PCNX4: variants seen among roughly 807,000 people sequenced by gnomAD.
The protein encoded by PCNX4 is pecanex-like protein 4.
In PCNX4, 103 loss-of-function variants were observed where a neutral mutation model predicts 107.2. The ratio of observed to expected loss-of-function variants is 0.96; its 90% CI spans 0.82 to 1.13. The LOEUF (loss-of-function observed/expected upper bound fraction) is 1.13, where lower values mean the gene tolerates loss of function less well. PCNX4 is among the 50% of genes most tolerant of loss of function. PCNX4 has a pLI of 0.00. For missense variants in PCNX4, 1,528 were observed against 1,379.4 expected, an observed-to-expected ratio of 1.11 and a Z score of -1.71; for synonymous variants, 541 against 481.7, an observed-to-expected ratio of 1.12 and a Z score of -1.61.
intron 10 of PCNX4, 52 bp from the exon 11 acceptor site, chr14:60,133,918 T>C: frequency 6.6e-7 from 1 of 1,519,460 alleles, no homozygotes; most frequent in Non-Finnish European, 8.9e-7. Context: ...TATAAAGACC[T>C]AAATGGAATC....
Position 60,144,996 on chromosome 14 carries a change from A to G in PCNX4, c.*10775A>G. 1 of 1,601,910 alleles carries G rather than the reference A, an allele frequency of 6.2e-7. No individual in the cohort carries two copies. Among genetic ancestry groups the G allele is most frequent in the East Asian group, 2.2e-5 (1 of 44,560 alleles). ...CATGTTTTGTCTTAAAGATTTTAAA[A>G]TAAGAAGAGTCTGCATCCTGTAAAA... On this transcript the variant is annotated 3_prime_UTR_variant, in exon 11 of 11. Coordinates refer to ENST00000406854, the MANE Select transcript of PCNX4 (RefSeq NM_001330177.2).
intron 2 of PCNX4, chr14:60,109,449 G>A (rs1895693441): frequency 6.0e-6 from 1 of 167,206 alleles, no homozygotes. Flanking sequence ...TCTTTGTTTT[G>A]TTTTGTTTGA....
chr14:60,128,456 C>A (rs1896095390), intron 10 of PCNX4, among the ~76,000 whole-genome samples: 1 of 152,080 alleles, frequency 6.6e-6, no homozygotes, highest in East Asian at 1.9e-4. Flanking sequence ...CTAAAGAAAA[C>A]CCCAAAACAG....
intron 2 of PCNX4, among the ~76,000 whole-genome samples, chr14:60,113,605 G>T (rs1187084507): frequency 3.9e-5 from 6 of 152,048 alleles, no homozygotes; most frequent in Admixed American, 3.9e-4. Flanking sequence ...CTGACCTCAG[G>T]TGATCTGCCC....
chr14:60,097,283 C>T (rs1298818037), intron 1 of PCNX4, among the ~76,000 whole-genome samples: 1 of 152,114 alleles, frequency 6.6e-6, no homozygotes, highest in Non-Finnish European at 1.5e-5. Flanking sequence ...ATATCTGTTA[C>T]AGGAATCAAC....
Position 60,115,706 on chromosome 14 carries a change from TG to T in PCNX4, c.1358-12del, listed in dbSNP as rs776864108. 6.3e-7 allele frequency: 1 copy of T among 1,598,962 alleles called. No homozygotes were observed. Among genetic ancestry groups the T allele is most frequent in the South Asian group, 1.1e-5 (1 of 89,738 alleles). Reference sequence around the variant, plus strand: ...TGCCTTAATTAAATTTCTCTCTTTTTGTTTTGTTTTAGTATCACCTTTTGCC... The same window carrying T: ...TGCCTTAATTAAATTTCTCTCTTTTTTTTTGTTTTAGTATCACCTTTTGCC... On this transcript the variant is annotated splice_polypyrimidine_tract_variant and intron_variant, in intron 4 of 10. Transcript: ENST00000406854.
chr14:60,119,354 G>T (rs1895912003), intron 7 of PCNX4, among the ~76,000 whole-genome samples: 1 of 152,116 alleles, frequency 6.6e-6, no homozygotes, highest in Admixed American at 6.5e-5. Context: ...TTTAGATAAG[G>T]TATAATTTGA....
chr14:60,118,334 T>C lies in PCNX4; in HGVS notation c.1584T>C (p.Gly528=), dbSNP rs761724318. The change falls in exon 7 of 11, where the codon GGT becomes GGC. Residue 528 remains glycine (G), a synonymous_variant. Coordinates refer to ENST00000406854, the MANE Select transcript of PCNX4 (RefSeq NM_001330177.2). ...LDTGLRLLLV[G]IIRDRLIQFI... is the part of the protein sequence containing the mutation. ...TAATTTTTACATTTCTACAGGTTGG[T>C]ATCATACGTGATCGTTTGATTCAGT... is the stretch of plus-strand genomic sequence containing the variant. The C allele has an allele frequency of 5.6e-6, 9 of 1,607,714 alleles. No individual in the cohort carries two copies. Among genetic ancestry groups the C allele is most frequent in the Non-Finnish European group, 7.7e-6 (9 of 1,176,092 alleles).
In PCNX4 at chr14:60,124,379, T is replaced by C. The variant is rs1403698372; in HGVS notation, c.2208T>C (p.Tyr736=). 2 of 1,613,502 alleles carry C rather than the reference T, an allele frequency of 1.2e-6. No individual in the cohort carries two copies. The highest frequency in any genetic ancestry group is 2.2e-5 in the South Asian group (2 of 91,068). ...TPCTVLPVKL[Y]SDARNVLSGI... ...GTACTGTTTTGCCTGTGAAATTGTA[T>C]TCTGATGCCAGGAATGTTCTATCAG... The change falls in exon 9 of 11, where the codon TAT becomes TAC. Residue 736 remains tyrosine, a synonymous_variant. Transcript: ENST00000406854.
rs394373 is a variant in PCNX4 at position 60,134,501 on chromosome 14, C to G, written c.*280C>G. The G allele has an allele frequency of 5.9e-6, 2 of 340,118 alleles. No homozygotes were observed. The highest frequency in any genetic ancestry group is 1.1e-5 in the Non-Finnish European group (2 of 188,020). 21.1% of individuals were successfully genotyped at this position (340,118 alleles called of 1,614,324 possible). A position where few individuals can be genotyped will look rare whatever the true frequency, so the allele number is the denominator to read the frequency against. On this transcript the variant is annotated 3_prime_UTR_variant, in exon 11 of 11. Transcript: ENST00000406854. ...TGTGAGAAAACTTTTGTAGAATTAT[C>G]ATATAATGAATTTTGTAATGCTTTC... is the stretch of plus-strand genomic sequence containing the variant.
intron 7 of PCNX4, among the ~76,000 whole-genome samples, chr14:60,119,891 C>G (rs1895922711): frequency 6.6e-6 from 1 of 152,154 alleles, no homozygotes; most frequent in Non-Finnish European, 1.5e-5. Context: ...CAAGAACTTT[C>G]AGACCTTTCT....
rs2140573651 is a variant in PCNX4 at position 60,136,348 on chromosome 14, C to T, written c.*2127C>T. On this transcript the variant is annotated 3_prime_UTR_variant, in exon 11 of 11. Coordinates refer to ENST00000406854, the MANE Select transcript of PCNX4 (RefSeq NM_001330177.2). ...GAATTTCTCAACAATTGATTCTAGG[C>T]CCCCCTTTGTGTTTCTGCAATCACC... 1 of 152,220 alleles carries T rather than the reference C, an allele frequency of 6.6e-6. No homozygotes were observed. Among genetic ancestry groups the T allele is most frequent in the South Asian group, 2.1e-4 (1 of 4,816 alleles). 9.4% of individuals were successfully genotyped at this position (152,220 alleles called of 1,614,324 possible).
chr14:60,133,789 A>G (rs949670058), intron 10 of PCNX4, 181 bp from the exon 11 acceptor site: 16 of 673,008 alleles, frequency 2.4e-5, no homozygotes, highest in Middle Eastern at 2.4e-4. Flanking sequence ...AGTAGAGGTA[A>G]TTCTTGATTC....
rs758653899 is a variant in PCNX4, at chr14:60,115,052, T to G, written c.948T>G (p.Leu316=). 6.2e-7 allele frequency: 1 copy of G among 1,613,948 alleles called. No homozygotes were observed. Among genetic ancestry groups the G allele is most frequent in the Admixed American group, 1.7e-5 (1 of 60,030 alleles). ...TTCCAAGCACTGTTGGTGTGGTTCTTTTCATGACTGGATTTGGTTTCTTGC... is the reference window on the plus strand; with the variant it reads ...TTCCAAGCACTGTTGGTGTGGTTCTGTTCATGACTGGATTTGGTTTCTTGC... ...YFIPSTVGVV[L]FMTGFGFLLS... The change falls in exon 4 of 11, where the codon CTT becomes CTG. Residue 316 remains leucine, a synonymous_variant. Coordinates refer to ENST00000406854, the MANE Select transcript of PCNX4 (RefSeq NM_001330177.2).
chr14:60,094,533 A>C (rs1895381968), intron 1 of PCNX4, among the ~76,000 whole-genome samples: 1 of 152,114 alleles, frequency 6.6e-6, no homozygotes, highest in Non-Finnish European at 1.5e-5. Flanking sequence ...CCTGCTAAGC[A>C]AAGGCCCAAC....
intron 1 of PCNX4, among the ~76,000 whole-genome samples, chr14:60,101,682 A>C (rs1177842001): frequency 7.8e-6 from 1 of 128,918 alleles, no homozygotes; most frequent in East Asian, 2.2e-4. Context: ...AACAGTATGG[A>C]GGTTTCTCAA....
At chr14:60,131,713 A>G (rs533424648) in intron 10 of PCNX4, among the ~76,000 whole-genome samples, 299 of 152,358 alleles carry the variant, frequency 2.0e-3, no homozygotes, top group African/African-American at 6.6e-3. Flanking sequence ...TCTAAAATTT[A>G]TATGGAATTT....
At chr14:60,104,556 A>G (rs909545295) in intron 1 of PCNX4, among the ~76,000 whole-genome samples, 2 of 152,156 alleles carry the variant, frequency 1.3e-5, no homozygotes, top group African/African-American at 4.8e-5. Flanking sequence ...CATACCCAAG[A>G]CTGGGTAATT....
rs764559207 is a variant in PCNX4 at position 60,124,550 on chromosome 14, A to G, written c.2379A>G (p.Leu793=). 9.9e-6 allele frequency: 16 copies of G among 1,613,764 alleles called. No individual in the cohort carries two copies. In the South Asian group the frequency reaches 1.5e-4, roughly 16 times the overall value. The change falls in exon 9 of 11, where the codon CTA becomes CTG. Residue 793 remains leucine, a synonymous_variant. Coordinates refer to ENST00000406854, the MANE Select transcript of PCNX4 (RefSeq NM_001330177.2). ...CTGAAAATAAAGGGAAAGCACCTCT[A>G]ATGTTGCCTGCTTTGAACACTTTGC... ...HNTENKGKAP[L]MLPALNTLPP...
Sources: gnomAD v4.1 joint callset for allele counts (sites outside exome capture counted in the v4.1 genomes callset) on GRCh38, gnomAD v4.1.1 for gene constraint, MANE v1.5 for transcripts, NCBI Gene and HGNC (gene_info 2026-07-23, HGNC 2026-07-21) for gene names.